The following TADA2B variants were observed in gnomAD, a reference collection of about 807,000 sequenced individuals.
The protein encoded by TADA2B is transcriptional adapter 2-beta.
Under a neutral mutation model 34.5 loss-of-function variants are expected in TADA2B, and 13 were observed. The ratio of observed to expected loss-of-function variants is 0.38; its 90% CI spans 0.25 to 0.60. The LOEUF is 0.60. Among genes scored for constraint, TADA2B ranks in the 20% least tolerant of loss-of-function variants. The probability of loss-of-function intolerance (pLI) is 0.65; values close to 1 mark genes in which losing one functional copy is unlikely to be tolerated. For synonymous variants in TADA2B, 240 were observed against 243.4 expected (o/e 0.99, Z 0.13); for missense variants, 442 against 575.0 (o/e 0.77, Z 2.37).
rs1175886295 is a variant in TADA2B at position 7,057,537 on chromosome 4, C to A, written c.*2483C>A. On this transcript the variant is annotated 3_prime_UTR_variant, in exon 2 of 2. Coordinates refer to ENST00000310074, the MANE Select transcript of TADA2B (RefSeq NM_152293.3). ...GGCGCAGTGGCTCACGCCTGTAATC[C>A]CAGCACTTTGGGAGGCCAAGGCGGG... The A allele has an allele frequency of 6.6e-6, 1 of 152,212 alleles. No individual in the cohort carries two copies. Among genetic ancestry groups the A allele is most frequent in the African/African-American group, 2.4e-5 (1 of 41,430 alleles). The allele number at this position is 152,212 out of a possible 1,614,324, so 9.4% of individuals were successfully genotyped here. A position where few individuals can be genotyped will look rare whatever the true frequency, so the allele number is the denominator to read the frequency against.
At chr4:7,052,649 G>C (rs1359997043) in intron 1 of TADA2B, among the ~76,000 whole-genome samples, 1 of 152,244 alleles carries the variant, frequency 6.6e-6, no homozygotes, top group Non-Finnish European at 1.5e-5. Flanking sequence ...GGGTCACACA[G>C]AGTGGCAGTA....
At chr4:7,050,382 T>G (rs1190516460) in intron 1 of TADA2B, among the ~76,000 whole-genome samples, 1 of 152,228 alleles carries the variant, frequency 6.6e-6, no homozygotes, top group African/African-American at 2.4e-5. Context: ...ACCCCTCCCT[T>G]ACACCGAGCT....
intron 1 of TADA2B, chr4:7,045,520 C>A (rs899181632): frequency 6.6e-6 from 1 of 152,230 alleles, no homozygotes; most frequent in African/African-American, 2.4e-5. Flanking sequence ...GCAATGAGAT[C>A]TCATCTGTTA....
chr4:7,047,123 C>T (rs1271648116), intron 1 of TADA2B, among the ~76,000 whole-genome samples: 1 of 152,134 alleles, frequency 6.6e-6, no homozygotes, highest in East Asian at 1.9e-4. Context: ...GCGCAGGATT[C>T]CAAGAGTTAG....
Position 7,054,496 on chromosome 4 carries a change from G to T in TADA2B, c.705G>T (p.Lys235Asn). The stretch of plus-strand genomic sequence containing the variant: ...ATCTGGTGCCAGCCTTCCTGGGGAA[G>T]GACAAGAAGGAGAAGGAAAAGGCGC... Reference protein sequence around the residue: ...DYNLVPAFLGKDKKEKEKALK... With the variant: ...DYNLVPAFLGNDKKEKEKALK... Residue 235 changes from lysine to asparagine, a missense_variant, in exon 2 of 2, where the codon AAG becomes AAT. By Grantham distance (94) the Lys-to-Asn change is moderately conservative. Around this residue, in one of 4 missense-constraint regions of TADA2B, gnomAD observed 222 missense variants for 235.2 expected, o/e 0.94. Transcript: ENST00000310074. The T allele has an allele frequency of 6.2e-7, 1 of 1,613,744 alleles. No individual in the cohort carries two copies. The highest frequency in any genetic ancestry group is 8.5e-7 in the Non-Finnish European group (1 of 1,179,902).
Position 7,053,879 on chromosome 4 carries a change from G to C in TADA2B, c.271-183G>C, listed in dbSNP as rs944612790. On this transcript the variant is annotated intron_variant, in intron 1 of 1. Coordinates refer to ENST00000310074, the MANE Select transcript of TADA2B (RefSeq NM_152293.3). ...CAGCATGTGTTGTTGCTTCAACATT[G>C]TCATCTCTCCCCTGAGCCCAGCTCA... 1.1e-5 allele frequency: 7 copies of C among 631,760 alleles called. No homozygotes were observed. In the Admixed American group the frequency reaches 2.2e-4, roughly 20 times the overall value. 39.1% of individuals were successfully genotyped at this position (631,760 alleles called of 1,614,324 possible).
At chr4:7,048,589 G>A (rs1046252816) in intron 1 of TADA2B, among the ~76,000 whole-genome samples, 13 of 152,078 alleles carry the variant, frequency 8.5e-5, no homozygotes, top group Non-Finnish European at 1.3e-4. Flanking sequence ...GGTACAATAC[G>A]TGTAACATAA....
intron 1 of TADA2B, chr4:7,053,724 C>T (rs898480292): frequency 4.0e-6 from 1 of 249,460 alleles, no homozygotes; most frequent in South Asian, 7.4e-5. Flanking sequence ...CTCCTCTGGT[C>T]GCAGGTGGGG....
chr4:7,056,635 A>G lies in TADA2B; in HGVS notation c.*1581A>G, dbSNP rs1723898079. On this transcript the variant is annotated 3_prime_UTR_variant, in exon 2 of 2. Transcript: ENST00000310074. ...CAGCATTAAATAAAACATTTCAAAT[A>G]TATTGTATATGGCTTTAGTTGTAAA... 1 of 152,238 alleles carries G rather than the reference A, an allele frequency of 6.6e-6. No homozygotes were observed. The highest frequency in any genetic ancestry group is 2.4e-5 in the African/African-American group (1 of 41,456). 9.4% of individuals were successfully genotyped at this position (152,238 alleles called of 1,614,324 possible).
chr4:7,056,704 A>G lies in TADA2B; in HGVS notation c.*1650A>G, dbSNP rs1231198456. 1 of 152,242 alleles carries G rather than the reference A, an allele frequency of 6.6e-6. No homozygotes were observed. Among genetic ancestry groups the G allele is most frequent in the African/African-American group, 2.4e-5 (1 of 41,462 alleles). The allele number at this position is 152,242 out of a possible 1,614,324, so 9.4% of individuals were successfully genotyped here. A position where few individuals can be genotyped will look rare whatever the true frequency, so the allele number is the denominator to read the frequency against. On this transcript the variant is annotated 3_prime_UTR_variant, in exon 2 of 2. Coordinates refer to ENST00000310074, the MANE Select transcript of TADA2B (RefSeq NM_152293.3). ...GAGAAGCGCTCTTTTAGCTAAGCCC[A>G]GAACTTCTCTTTTGACAATAAAGTA...
At chr4:7,047,199 C>T (rs1389834467) in intron 1 of TADA2B, among the ~76,000 whole-genome samples, 3 of 152,126 alleles carry the variant, frequency 2.0e-5, no homozygotes, top group Non-Finnish European at 2.9e-5. Flanking sequence ...GAGGGCAAGT[C>T]GCAGTGGTGG....
intron 1 of TADA2B, chr4:7,053,319 C>CT (rs1723808916): frequency 6.6e-6 from 1 of 152,346 alleles, no homozygotes; most frequent in African/African-American, 2.4e-5. Flanking sequence ...ATGATGAATG[C>CT]TTTCAGCCAG....
intron 1 of TADA2B, chr4:7,053,703 T>C (rs1293357698): frequency 4.4e-6 from 1 of 229,364 alleles, no homozygotes; most frequent in African/African-American, 2.3e-5. Flanking sequence ...TTTATGGCAG[T>C]ACCAGGTGGG....
At chr4:7,048,728 ACACT>A (rs1343935848) in intron 1 of TADA2B, among the ~76,000 whole-genome samples, 3 of 151,976 alleles carry the variant, frequency 2.0e-5, no homozygotes, top group Non-Finnish European at 4.4e-5. Flanking sequence ...TCCCCATTCA[ACACT>A]CACTCCCCCT....
At chr4:7,050,455 T>C (rs870660) in intron 1 of TADA2B, among the ~76,000 whole-genome samples, 62,079 of 152,182 alleles carry the variant, frequency 0.41, 13,630 homozygotes, top group Non-Finnish European at 0.49. Context: ...AAGGAGCTGG[T>C]GCTGGGCCTC....
chr4:7,051,103 G>A (rs1335102590), intron 1 of TADA2B, among the ~76,000 whole-genome samples: 2 of 152,226 alleles, frequency 1.3e-5, no homozygotes, highest in Non-Finnish European at 2.9e-5. Flanking sequence ...GGTAAAACCT[G>A]CAAAAGGAGG....
At position 7,054,263 on chromosome 4, in the gene TADA2B, G is replaced by A. The variant is rs1723837105; in HGVS notation, c.472G>A (p.Val158Met). ...CCCGCTGCCCCCGCTGGACATCTCT[G>A]TGGCTGAGCAGCAGCAGCTGGGCTA... ...TTPLPPLDIS[V>M]AEQQQLGYMP... Residue 158 changes from valine to methionine, a missense_variant, in exon 2 of 2, where the codon GTG becomes ATG. Val to Met is a conservative substitution (Grantham distance 21, BLOSUM62 1). Coordinates refer to ENST00000310074, the MANE Select transcript of TADA2B (RefSeq NM_152293.3). 1 of 1,612,340 alleles carries A rather than the reference G, an allele frequency of 6.2e-7. No individual in the cohort carries two copies. Among genetic ancestry groups the A allele is most frequent in the African/African-American group, 1.3e-5 (1 of 75,006 alleles).
intron 1 of TADA2B, among the ~76,000 whole-genome samples, chr4:7,044,523 T>G (rs1458773607): frequency 2.0e-5 from 3 of 152,144 alleles, no homozygotes; most frequent in Non-Finnish European, 4.4e-5. Flanking sequence ...TGGGGAGCGG[T>G]GAGAGCTGGA....
In TADA2B at chr4:7,056,423, G is replaced by T. The variant is rs952143082; in HGVS notation, c.*1369G>T. 2.6e-5 allele frequency: 4 copies of T among 152,592 alleles called. No homozygotes were observed. Among genetic ancestry groups the T allele is most frequent in the Non-Finnish European group, 4.4e-5 (3 of 68,046 alleles). The allele number at this position is 152,592 out of a possible 1,614,324, so 9.5% of individuals were successfully genotyped here. A position where few individuals can be genotyped will look rare whatever the true frequency, so the allele number is the denominator to read the frequency against. ...CTCCAGCGCTCCGTTCTTCAAGGAG[G>T]TTGACTTGCCTCTCGGGCCCCGTAG... On this transcript the variant is annotated 3_prime_UTR_variant, in exon 2 of 2. Transcript: ENST00000310074.
Sources: gnomAD v4.1 joint callset for allele counts (sites outside exome capture counted in the v4.1 genomes callset) on GRCh38, gnomAD v4.1.1 for gene constraint, gnomAD v4.1.1 regional missense constraint, MANE v1.5 for transcripts, NCBI Gene and HGNC (gene_info 2026-07-23, HGNC 2026-07-21) for gene names.